Variants in NUBP1 observed in about 807,000 individuals in gnomAD.
NUBP1 encodes cytosolic Fe-S cluster assembly factor NUBP1.
In NUBP1, 46 loss-of-function variants were observed where a neutral mutation model predicts 41.8. That is an observed-to-expected ratio of 1.10 (90% CI 0.87 to 1.41). The LOEUF (loss-of-function observed/expected upper bound fraction) is 1.41. NUBP1 is among the 40% of genes most tolerant of loss of function. The pLI, the probability that NUBP1 is intolerant of heterozygous loss-of-function variation, is 0.00. For synonymous variants in NUBP1, 189 were observed against 154.6 expected, an observed-to-expected ratio of 1.22 and a Z score of -1.65; for missense variants, 494 against 414.0, an observed-to-expected ratio of 1.19 and a Z score of -1.68.
chr16:10,763,436 C>T (rs1376563616), intron 9 of NUBP1: 1 of 152,270 alleles, frequency 6.6e-6, no homozygotes, highest in Non-Finnish European at 1.5e-5. Flanking sequence ...AGGCTGTGTC[C>T]CCAAATCCTT....
chr16:10,756,826 G>A (rs373746118), intron 6 of NUBP1, 46 bp downstream of exon 6: 53 of 1,494,860 alleles, frequency 3.5e-5, no homozygotes, highest in Middle Eastern at 1.7e-4. Context: ...TTCCACGAGC[G>A]TTGTGGCTCT....
chr16:10,745,856 A>G (rs527917558), intron 2 of NUBP1, among the ~76,000 whole-genome samples: 2 of 152,224 alleles, frequency 1.3e-5, no homozygotes, highest in Non-Finnish European at 2.9e-5. Context: ...GGCATGTGGG[A>G]GGATAAGCTT....
chr16:10,766,063 TGAG>T lies in NUBP1; in HGVS notation c.821-1883_821-1881del, dbSNP rs2030830292. ...CTTCCTAGGAACAGACAGGAAGGCA[TGAG>T]GACAGCACTTCAGTCTCCTCTGGGG... On this transcript the variant is annotated intron_variant, in intron 9 of 10. Transcript: ENST00000283027. This position sits in a 1 kb window ranked among gnomAD's most constrained non-coding sequence, Gnocchi z 4.8. 6.6e-6 allele frequency: 1 copy of T among 152,296 alleles called. No homozygotes were observed. Among genetic ancestry groups the T allele is most frequent in the Admixed American group, 6.5e-5 (1 of 15,282 alleles). The allele number at this position is 152,296 out of a possible 1,614,324, so 9.4% of individuals were successfully genotyped here.
At chr16:10,762,468 G>A (rs1346812437) in intron 9 of NUBP1, among the ~76,000 whole-genome samples, 1 of 152,182 alleles carries the variant, frequency 6.6e-6, no homozygotes, top group Non-Finnish European at 1.5e-5. Context: ...ACGCCCGCCG[G>A]GCGCCCACTC....
chr16:10,756,230 T>G (rs1317281054), intron 5 of NUBP1, among the ~76,000 whole-genome samples: 2 of 152,018 alleles, frequency 1.3e-5, no homozygotes, highest in African/African-American at 4.8e-5. Flanking sequence ...GATACAAAAA[T>G]TAGCCGAGCA....
At chr16:10,748,292 T>C (rs981122158) in intron 3 of NUBP1, among the ~76,000 whole-genome samples, 3 of 152,180 alleles carry the variant, frequency 2.0e-5, no homozygotes, top group African/African-American at 7.2e-5. Context: ...TACCTACATA[T>C]GATCCTTGAT....
At chr16:10,752,494 C>T (rs1567255947) in intron 3 of NUBP1, 116 bp from the exon 4 acceptor site, 1 of 762,016 alleles carries the variant, frequency 1.3e-6, no homozygotes, top group Non-Finnish European at 2.3e-6. Context: ...CAAGTTTAAC[C>T]CAGTTTCTGT....
At chr16:10,761,513 C>T (rs1229184392) in intron 8 of NUBP1, 39 bp downstream of exon 8, 1 of 1,533,834 alleles carries the variant, frequency 6.5e-7, no homozygotes, top group Non-Finnish European at 9.0e-7. Context: ...CAAGATCTTG[C>T]TCTCATGGAT....
At chr16:10,758,804 G>A (rs1386875136) in intron 7 of NUBP1, among the ~76,000 whole-genome samples, 1 of 152,144 alleles carries the variant, frequency 6.6e-6, no homozygotes, top group Non-Finnish European at 1.5e-5. Flanking sequence ...GCCACTGGGT[G>A]CCTTCGCTTC....
chr16:10,757,514 T>C lies in NUBP1; in HGVS notation c.452-359T>C, dbSNP rs529940852. Among the ~76,000 whole-genome samples the C allele has an allele frequency of 1.7e-4, 26 of 151,996 alleles. No homozygotes were observed. The highest frequency in any genetic ancestry group is 2.9e-4 in the Non-Finnish European group (20 of 67,998). On this transcript the variant is annotated intron_variant, in intron 6 of 10. Transcript: ENST00000283027. This position sits in a 1 kb window ranked among gnomAD's most constrained non-coding sequence, Gnocchi z 4.1. Reference sequence around the variant, plus strand: ...GTAGACCGTGTTCTACACCATAGGGTGTTAAACAGTGTCCCTGGCCTTTAC... The same window carrying C: ...GTAGACCGTGTTCTACACCATAGGGCGTTAAACAGTGTCCCTGGCCTTTAC...
Position 10,767,771 on chromosome 16 carries a change from A to G in NUBP1, c.821-178A>G, listed in dbSNP as rs1420379984. On this transcript the variant is annotated intron_variant, in intron 9 of 10. Transcript: ENST00000283027. This position sits in a 1 kb window ranked among gnomAD's most constrained non-coding sequence, Gnocchi z 4.6. Reference sequence around the variant, plus strand: ...AGCCACGCTGAAATGCTGGCTGGGGACCCTGCTGGAAGGAAGGTCCCTGAG... The same window carrying G: ...AGCCACGCTGAAATGCTGGCTGGGGGCCCTGCTGGAAGGAAGGTCCCTGAG... 2 of 604,638 alleles carry G rather than the reference A, an allele frequency of 3.3e-6. No individual in the cohort carries two copies. The highest frequency in any genetic ancestry group is 5.8e-5 in the Admixed American group (2 of 34,334). The allele number at this position is 604,638 out of a possible 1,614,324, so 37.5% of individuals were successfully genotyped here.
chr16:10,762,056 C>T (rs909119286), intron 9 of NUBP1, 197 bp downstream of exon 9: 32 of 520,192 alleles, frequency 6.2e-5, no homozygotes, highest in Middle Eastern at 5.2e-4. Flanking sequence ...GGGCAGGTAG[C>T]GGGAGCAAGC....
At chr16:10,748,178 T>G (rs764794120) in intron 3 of NUBP1, among the ~76,000 whole-genome samples, 15 of 152,188 alleles carry the variant, frequency 9.9e-5, no homozygotes, top group Non-Finnish European at 2.1e-4. Context: ...CTTGAACTTC[T>G]GAACTCAAGG....
chr16:10,750,306 G>A (rs1900261451), intron 3 of NUBP1, among the ~76,000 whole-genome samples: 1 of 152,196 alleles, frequency 6.6e-6, no homozygotes, highest in South Asian at 2.1e-4. Flanking sequence ...GTGCAGTGGT[G>A]TGATCTCAGC....
In NUBP1 at chr16:10,767,352, C is replaced by G. The variant is rs530507102; in HGVS notation, c.821-597C>G. On this transcript the variant is annotated intron_variant, in intron 9 of 10. Transcript: ENST00000283027. This position sits in a 1 kb window ranked among gnomAD's most constrained non-coding sequence, Gnocchi z 4.6. ...ACAATGGCCACATGGCGGGGAAAGA[C>G]TAGCAGACTGATAGACACCAGCACA... The G allele has an allele frequency of 8.0e-5, 32 of 399,602 alleles. No individual in the cohort carries two copies. The highest frequency in any genetic ancestry group is 1.2e-4 in the Non-Finnish European group (27 of 226,852). The allele number at this position is 399,602 out of a possible 1,614,324, so 24.8% of individuals were successfully genotyped here.
At position 10,761,784 on chromosome 16, in the gene NUBP1, A is replaced by G. The variant is rs934627640; in HGVS notation, c.745A>G (p.Thr249Ala). The G allele has an allele frequency of 1.2e-6, 2 of 1,613,764 alleles. No individual in the cohort carries two copies. Among genetic ancestry groups the G allele is most frequent in the African/African-American group, 2.7e-5 (2 of 74,866 alleles). The change falls in exon 9 of 11, where the codon ACC becomes GCC. Residue 249 changes from threonine to alanine, a missense_variant. Transcript: ENST00000283027. ...AGAATCTCAGATATTCCCTCCCACA[A>G]CCGGGGGCGCGGAGCTCATGTGCCA... ...KKESQIFPPT[T>A]GGAELMCQDL...
Position 10,768,002 on chromosome 16 carries a change from G to A in NUBP1, c.874G>A (p.Ala292Thr). The change falls in exon 10 of 11, where the codon GCC (alanine) becomes ACC (threonine). Residue 292 changes from alanine to threonine, a missense_variant. Ala to Thr is a moderately conservative substitution (Grantham distance 58). Transcript: ENST00000283027. This position sits in a 1 kb window ranked among gnomAD's most constrained non-coding sequence, Gnocchi z 4.3. ...SFFIDAPDSP[A>T]TLAYRSIIQR... ...TTTCATTGACGCCCCAGATTCCCCA[G>A]CCACGTTAGCCTACAGAAGTATAAT... is the stretch of plus-strand genomic sequence containing the variant. The A allele has an allele frequency of 6.2e-7, 1 of 1,614,110 alleles. No homozygotes were observed.
At position 10,768,922 on chromosome 16, in the gene NUBP1, G is replaced by T; in HGVS notation, c.905-125G>T. The T allele has an allele frequency of 2.6e-6, 2 of 777,730 alleles. No individual in the cohort carries two copies. Among genetic ancestry groups the T allele is most frequent in the Admixed American group, 4.5e-5 (2 of 44,612 alleles). 48.2% of individuals were successfully genotyped at this position (777,730 alleles called of 1,614,324 possible). A position where few individuals can be genotyped will look rare whatever the true frequency, so the allele number is the denominator to read the frequency against. Reference sequence around the variant, plus strand: ...AAGACTCAGGGCATCACAGACACAGGTCTTTTTATGGAACTAGCCAGAGGA... The same window carrying T: ...AAGACTCAGGGCATCACAGACACAGTTCTTTTTATGGAACTAGCCAGAGGA... On this transcript the variant is annotated intron_variant, in intron 10 of 10. Coordinates refer to ENST00000283027, the MANE Select transcript of NUBP1 (RefSeq NM_002484.4). This position sits in a 1 kb window ranked among gnomAD's most constrained non-coding sequence, Gnocchi z 4.3.
chr16:10,760,070 A>T (rs1007780118), intron 7 of NUBP1, among the ~76,000 whole-genome samples: 2 of 152,272 alleles, frequency 1.3e-5, no homozygotes, highest in African/African-American at 2.4e-5. Flanking sequence ...CAGTAATCAC[A>T]TTGGAAAAAC....
Sources: allele counts gnomAD v4.1 joint callset (sites outside exome capture counted in the v4.1 genomes callset), GRCh38; gene constraint gnomAD v4.1.1; non-coding constraint Gnocchi (gnomAD v3.1); transcripts MANE v1.5; gene names NCBI Gene and HGNC (gene_info 2026-07-23, HGNC 2026-07-21).